The following RIMS1 variants were observed in gnomAD, a reference collection of about 807,000 sequenced individuals.
The protein encoded by RIMS1 is regulating synaptic membrane exocytosis 1.
In RIMS1, 83 loss-of-function variants were observed where a neutral mutation model predicts 214.1. That is an observed-to-expected ratio of 0.39 (90% CI 0.32 to 0.47). RIMS1 has a LOEUF of 0.47. Among genes scored for constraint, RIMS1 ranks in the 20% least tolerant of loss-of-function variants. The pLI is 0.99. For synonymous variants in RIMS1, 793 were observed against 786.8 expected (o/e 1.01, Z -0.13); for missense variants, 2,050 against 2,161.8 (o/e 0.95, Z 1.03).
chr6:72,355,050 AG>A (rs1466738956), intron 29 of RIMS1, among the ~76,000 whole-genome samples: 3 of 152,204 alleles, frequency 2.0e-5, no homozygotes, highest in Non-Finnish European at 4.4e-5. Context: ...TCAACCAATA[AG>A]GTAGACAATA....
At chr6:71,984,394 A>AT (rs1799306039) in intron 2 of RIMS1, among the ~76,000 whole-genome samples, 1 of 152,120 alleles carries the variant, frequency 6.6e-6, no homozygotes, top group African/African-American at 2.4e-5. Flanking sequence ...ACTGTGACAA[A>AT]TAGGGCTGTG....
intron 4 of RIMS1, among the ~76,000 whole-genome samples, chr6:72,135,046 A>G (rs1266208024): frequency 1.3e-5 from 2 of 152,186 alleles, no homozygotes; most frequent in East Asian, 1.9e-4. Flanking sequence ...AGACTGGATC[A>G]AAATGCTGCA....
intron 1 of RIMS1, among the ~76,000 whole-genome samples, chr6:71,940,578 G>C (rs1785762899): frequency 2.0e-5 from 3 of 152,116 alleles, no homozygotes; most frequent in Admixed American, 2.0e-4. Flanking sequence ...CTTTATTCAA[G>C]ACTATTGCAA....
chr6:72,186,866 C>G (rs2049191149), intron 6 of RIMS1, among the ~76,000 whole-genome samples: 1 of 151,920 alleles, frequency 6.6e-6, no homozygotes, highest in African/African-American at 2.4e-5. Flanking sequence ...CGCAGTGGCT[C>G]TCACCTGTAA....
At chr6:71,954,362 A>G (rs528336006) in intron 1 of RIMS1, among the ~76,000 whole-genome samples, 1 of 152,296 alleles carries the variant, frequency 6.6e-6, no homozygotes, top group Non-Finnish European at 1.5e-5. Flanking sequence ...CTTTTTTAAG[A>G]TACAGTAGCA....
chr6:72,217,227 A>G (rs2056512635), intron 6 of RIMS1: 38 of 1,536,340 alleles, frequency 2.5e-5, no homozygotes, highest in Non-Finnish European at 3.3e-5. Flanking sequence ...TACTTCATAC[A>G]TTGCACTCAG....
At chr6:72,325,452 A>AATAT (rs999557627) in intron 28 of RIMS1, among the ~76,000 whole-genome samples, 1 of 150,464 alleles carries the variant, frequency 6.6e-6, no homozygotes, top group Non-Finnish European at 1.5e-5. Context: ...AGTCTATATA[A>AATAT]ATATATATAT....
intron 1 of RIMS1, among the ~76,000 whole-genome samples, chr6:71,894,774 T>C: frequency 6.6e-6 from 1 of 152,218 alleles, no homozygotes; most frequent in East Asian, 1.9e-4. Flanking sequence ...TGATAATTCC[T>C]CTGATGTTTA....
At chr6:72,006,753 G>T (rs1054823019) in intron 2 of RIMS1, among the ~76,000 whole-genome samples, 1 of 152,228 alleles carries the variant, frequency 6.6e-6, no homozygotes, top group African/African-American at 2.4e-5. Flanking sequence ...AAATCAAGCT[G>T]CAAGGCAGCA....
chr6:72,319,491 A>T (rs2096024770), intron 28 of RIMS1, among the ~76,000 whole-genome samples: 1 of 152,198 alleles, frequency 6.6e-6, no homozygotes. Flanking sequence ...AATAAACAGC[A>T]TCTTGTGATC....
chr6:72,313,606 G>A lies in RIMS1; in HGVS notation c.4064G>A (p.Ser1355Asn), dbSNP rs1293760436. 1.9e-6 allele frequency: 3 copies of A among 1,613,772 alleles called. No homozygotes were observed. Among genetic ancestry groups the A allele is most frequent in the Non-Finnish European group, 8.5e-7 (1 of 1,179,792 alleles). The change falls in exon 28 of 34, where the codon AGT (serine) becomes AAT (asparagine). Residue 1355 changes from serine to asparagine, a missense_variant. Transcript: ENST00000521978. Reference protein sequence around the residue: ...SDVSAISRTSSASRLSSTSFM... With the variant: ...SDVSAISRTSNASRLSSTSFM... Reference sequence around the variant, plus strand: ...GTTTCCGCCATTTCCCGAACCAGCAGTGCCTCACGCCTCAGCAGCACAAGC... The same window carrying A: ...GTTTCCGCCATTTCCCGAACCAGCAATGCCTCACGCCTCAGCAGCACAAGC...
chr6:72,024,900 G>GTTGTT (rs1815889616), intron 2 of RIMS1, among the ~76,000 whole-genome samples: 1 of 98,640 alleles, frequency 1.0e-5, no homozygotes, highest in Non-Finnish European at 1.9e-5. Context: ...AAATCTGTGG[G>GTTGTT]TTTTTTTTTT....
chr6:72,052,008 A>G (rs1824838875), intron 2 of RIMS1, among the ~76,000 whole-genome samples: 1 of 152,182 alleles, frequency 6.6e-6, no homozygotes, highest in Non-Finnish European at 1.5e-5. Flanking sequence ...ACTCTTCATG[A>G]TATATTATGC....
intron 4 of RIMS1, among the ~76,000 whole-genome samples, chr6:72,130,296 A>C (rs1208312686): frequency 6.6e-6 from 1 of 151,940 alleles, no homozygotes; most frequent in Non-Finnish European, 1.5e-5. Flanking sequence ...TTTTTTTCTG[A>C]ATGTATTATT....
intron 6 of RIMS1, among the ~76,000 whole-genome samples, chr6:72,226,713 TTAA>T (rs1454159259): frequency 5.3e-4 from 80 of 151,670 alleles, no homozygotes; most frequent in African/African-American, 1.7e-3. Context: ...ATCTGGCCAA[TTAA>T]TAATTTTTAC....
At chr6:72,261,002 G>A (rs2077729631) in intron 19 of RIMS1, 9 of 1,306,930 alleles carry the variant, frequency 6.9e-6, no homozygotes, top group Middle Eastern at 3.1e-4. Flanking sequence ...AGACTAGTGG[G>A]CCTCTCTGGG....
intron 21 of RIMS1, 81 bp from the exon 22 acceptor site, chr6:72,265,879 C>T (rs902556133): frequency 2.1e-6 from 2 of 959,980 alleles, no homozygotes; most frequent in Non-Finnish European, 3.2e-6. Context: ...TTATTTTATG[C>T]TTTACTCTCT....
Position 72,158,560 on chromosome 6 carries a change from T to TC in RIMS1, c.472-21009dup, listed in dbSNP as rs1327366374. Reference sequence around the variant, plus strand: ...ATCTCCTAATGCTATCCCTCCGCCCTCCCCCCACCCCACAACAGGCCCTGG... The same window carrying TC: ...ATCTCCTAATGCTATCCCTCCGCCCTCCCCCCCACCCCACAACAGGCCCTGG... On this transcript the variant is annotated intron_variant, in intron 4 of 33. Coordinates refer to ENST00000521978, the MANE Select transcript of RIMS1 (RefSeq NM_014989.7). Among the ~76,000 whole-genome samples, 32 of 75,456 alleles carry TC rather than the reference T, an allele frequency of 4.2e-4. 1 individual carries two copies. The highest frequency in any genetic ancestry group is 1.3e-3 in the African/African-American group (31 of 23,120). 49.5% of individuals were successfully genotyped at this position (75,456 alleles called of 152,430 possible). A position where few individuals can be genotyped will look rare whatever the true frequency, so the allele number is the denominator to read the frequency against.
chr6:72,350,807 T>C (rs145903823), intron 29 of RIMS1, among the ~76,000 whole-genome samples: 149 of 152,244 alleles, frequency 9.8e-4, no homozygotes, highest in African/African-American at 3.3e-3. Flanking sequence ...AACTTTAGCT[T>C]TTACAAAGCC....
Sources: allele counts gnomAD v4.1 joint callset (sites outside exome capture counted in the v4.1 genomes callset), GRCh38; gene constraint gnomAD v4.1.1; transcripts MANE v1.5; gene names NCBI Gene and HGNC (gene_info 2026-07-23, HGNC 2026-07-21).